Variants in ANGEL2 observed in about 807,000 individuals in gnomAD.
The protein encoded by ANGEL2 is angel homolog 2, also known as RNA 2',3'-cyclic phosphatase ANGEL2.
Under a neutral mutation model 66.0 loss-of-function variants are expected in ANGEL2, and 41 were observed. That is an observed-to-expected ratio of 0.62 (90% confidence interval 0.48 to 0.81). The LOEUF (loss-of-function observed/expected upper bound fraction) is 0.81, where lower values mean the gene tolerates loss of function less well. ANGEL2 is among the 30% of genes least tolerant of loss of function. The probability of loss-of-function intolerance (pLI) is 0.00; values close to 1 mark genes in which losing one functional copy is unlikely to be tolerated. For synonymous variants in ANGEL2, 208 were observed against 226.5 expected, an observed-to-expected ratio of 0.92 and a Z score of 0.73; for missense variants, 561 against 641.6, an observed-to-expected ratio of 0.87 and a Z score of 1.36.
intron 2 of ANGEL2, among the ~76,000 whole-genome samples, chr1:213,010,767 G>T (rs2076485188): frequency 6.6e-6 from 1 of 152,120 alleles, no homozygotes. Context: ...ATTAAAATAT[G>T]AAAATTAAGG....
chr1:213,007,485 G>A (rs2076367866), intron 3 of ANGEL2, among the ~76,000 whole-genome samples: 1 of 152,082 alleles, frequency 6.6e-6, no homozygotes. Flanking sequence ...ATATTTTTCC[G>A]GGTTTTACAT....
chr1:212,996,638 A>ATATATATAT (rs56112652), intron 8 of ANGEL2, among the ~76,000 whole-genome samples: 95 of 53,032 alleles, frequency 1.8e-3, no homozygotes, highest in African/African-American at 3.4e-3. Flanking sequence ...AAAAAAAAAA[A>ATATATATAT]AAATATATAT....
intron 7 of ANGEL2, 46 bp from the exon 8 acceptor site, chr1:212,997,364 T>C (rs1216385485): frequency 1.3e-6 from 2 of 1,524,118 alleles, no homozygotes; most frequent in Non-Finnish European, 1.8e-6. Context: ...TTTTGTAACT[T>C]CAAGAATTCC....
Position 213,013,270 on chromosome 1 carries a change from T to TGAA in ANGEL2, c.205_207dup (p.Phe69dup). ...CAATTTAGTGAAAAATGCCTACTAC[T>TGAA]GAAGTATGGGTAAGGAGCTCGAGAG... On this transcript the variant is annotated inframe_insertion, in exon 2 of 9. Coordinates refer to ENST00000366962, the MANE Select transcript of ANGEL2 (RefSeq NM_144567.5). 1 of 1,614,120 alleles carries TGAA rather than the reference T, an allele frequency of 6.2e-7. No homozygotes were observed. Among genetic ancestry groups the TGAA allele is most frequent in the East Asian group, 2.2e-5 (1 of 44,884 alleles).
At position 213,008,391 on chromosome 1, in the gene ANGEL2, A is replaced by C. The variant is rs764518795; in HGVS notation, c.461T>G (p.Val154Gly). ...EKTKILGDKN[V>G]DPKCEDSENK... ...CTCACTGTCTTCACATTTGGGATCA[A>C]CATTTTTGTCTCCTAGGATCTTCGT... Residue 154 changes from valine (V) to glycine (G), a missense_variant, in exon 3 of 9, where the codon GTT becomes GGT. Coordinates refer to ENST00000366962, the MANE Select transcript of ANGEL2 (RefSeq NM_144567.5). 1.2e-6 allele frequency: 2 copies of C among 1,614,046 alleles called. No individual in the cohort carries two copies. Among genetic ancestry groups the C allele is most frequent in the South Asian group, 1.1e-5 (1 of 91,090 alleles).
At chr1:213,002,183 CCTT>C (rs1292516177) in intron 5 of ANGEL2, 1 of 152,210 alleles carries the variant, frequency 6.6e-6, no homozygotes, top group Non-Finnish European at 1.5e-5. Flanking sequence ...CAAAATTACT[CCTT>C]GATTCCATAG....
In ANGEL2 at chr1:212,997,243, T is replaced by C. The variant is rs1572107165; in HGVS notation, c.1395A>G (p.Pro465=). ...TTCGGGAATGACAGGTGGTCACTTC[T>C]GGAATTCCAGTGTCAGGAAAGTAAT... The part of the protein sequence containing the change: ...YSHYFPDTGI[P]EVTTCHSRSA... The change falls in exon 8 of 9, where the codon CCA becomes CCG. Residue 465 remains proline (P), a synonymous_variant. Coordinates refer to ENST00000366962, the MANE Select transcript of ANGEL2 (RefSeq NM_144567.5). The C allele has an allele frequency of 1.9e-6, 3 of 1,613,934 alleles. No homozygotes were observed. Among genetic ancestry groups the C allele is most frequent in the South Asian group, 2.2e-5 (2 of 91,080 alleles).
chr1:213,004,896 A>G (rs2076279299), intron 5 of ANGEL2, 137 bp downstream of exon 5: 1 of 423,692 alleles, frequency 2.4e-6, no homozygotes, highest in African/African-American at 2.1e-5. Context: ...AAAAAAAGTC[A>G]TGGAAAATCA....
At chr1:213,004,941 G>T in intron 5 of ANGEL2, 92 bp downstream of exon 5, 4 of 980,636 alleles carry the variant, frequency 4.1e-6, no homozygotes, top group Non-Finnish European at 5.8e-6. Context: ...GATCATCCAA[G>T]GTTTTCAAAT....
intron 7 of ANGEL2, among the ~76,000 whole-genome samples, chr1:212,997,859 T>C (rs1388826657): frequency 6.6e-6 from 1 of 152,146 alleles, no homozygotes; most frequent in Non-Finnish European, 1.5e-5. Flanking sequence ...TGATACTTTA[T>C]GAATCTTAAG....
At chr1:213,014,259 C>T (rs942799678) in intron 1 of ANGEL2, among the ~76,000 whole-genome samples, 8 of 152,192 alleles carry the variant, frequency 5.3e-5, no homozygotes, top group South Asian at 2.1e-4. Context: ...GACTTTTATC[C>T]TTTCCTCCAA....
rs201180365 is a variant in ANGEL2 at position 213,005,343 on chromosome 1, C to A, written c.824G>T (p.Arg275Leu). The A allele has an allele frequency of 1.1e-5, 18 of 1,614,012 alleles. No homozygotes were observed. The highest frequency in any genetic ancestry group is 1.5e-5 in the Non-Finnish European group (18 of 1,180,020). ...LLSVNPVEFF[R>L]PDISLLDRDN... ...TCTGTCCAACAGAGAAATATCAGGG[C>A]GGAAGAATTCCACTGGGTTCACTGA... is the stretch of plus-strand genomic sequence containing the variant. The change falls in exon 5 of 9, where the codon CGC becomes CTC. Residue 275 changes from arginine to leucine, a missense_variant. Physicochemically the swap from Arg to Leu is moderately radical, Grantham distance 102 (BLOSUM62 -2). Transcript: ENST00000366962.
rs1395985987 is a variant in ANGEL2, at chr1:212,992,899, AC to A, written c.*2141del. 1 of 152,236 alleles carries A rather than the reference AC, an allele frequency of 6.6e-6. No homozygotes were observed. The highest frequency in any genetic ancestry group is 1.5e-5 in the Non-Finnish European group (1 of 68,034). 9.4% of individuals were successfully genotyped at this position (152,236 alleles called of 1,614,324 possible). On this transcript the variant is annotated 3_prime_UTR_variant, in exon 9 of 9. Coordinates refer to ENST00000366962, the MANE Select transcript of ANGEL2 (RefSeq NM_144567.5). ...CCCAATATTAAAAAGGGATAATTAT[AC>A]TATCATTATAATTTGATAATGTCTA...
At chr1:213,012,132 G>C (rs1349255954) in intron 2 of ANGEL2, among the ~76,000 whole-genome samples, 1 of 152,118 alleles carries the variant, frequency 6.6e-6, no homozygotes, top group East Asian at 1.9e-4. Flanking sequence ...TTGGGACCCA[G>C]CTGAAGCCTG....
At chr1:213,007,865 C>CTTTT (rs34608529) in intron 3 of ANGEL2, among the ~76,000 whole-genome samples, 1 of 138,088 alleles carries the variant, frequency 7.2e-6, no homozygotes, top group African/African-American at 2.9e-5. Context: ...TTCTTTCTTT[C>CTTTT]TTTTTTTTTT....
chr1:213,015,518 C>T, intron 1 of ANGEL2, 95 bp downstream of exon 1: 1 of 1,352,302 alleles, frequency 7.4e-7, no homozygotes, highest in Non-Finnish European at 9.7e-7. Context: ...ACCCCTAGCC[C>T]GCCCCGCCCC....
intron 7 of ANGEL2, among the ~76,000 whole-genome samples, chr1:212,999,668 C>T (rs2076126691): frequency 6.6e-6 from 1 of 152,210 alleles, no homozygotes; most frequent in Admixed American, 6.5e-5. Context: ...CTCCCTGAGA[C>T]AAGATTTAAG....
At chr1:212,996,634 A>ATATATAT (rs1298007497) in intron 8 of ANGEL2, among the ~76,000 whole-genome samples, 10 of 49,220 alleles carry the variant, frequency 2.0e-4, no homozygotes, top group Admixed American at 1.7e-3. Context: ...AAAAAAAAAA[A>ATATATAT]AAAAAAATAT....
rs545785937 is a variant in ANGEL2 at position 212,995,147 on chromosome 1, A to G, written c.1529T>C (p.Leu510Pro). Residue 510 changes from leucine to proline, a missense_variant, in exon 9 of 9, where the codon CTG becomes CCG. Coordinates refer to ENST00000366962, the MANE Select transcript of ANGEL2 (RefSeq NM_144567.5). ...LVGGLKLLAR[L>P]SLLTEQDLWT... The stretch of plus-strand genomic sequence containing the variant: ...TAAGTCTTGTTCTGTAAGAAGTGAC[A>G]GTCTAGCTAGAAGTTTCAAGCCACC... The G allele has an allele frequency of 1.9e-6, 3 of 1,610,898 alleles. No individual in the cohort carries two copies. Among genetic ancestry groups the G allele is most frequent in the Admixed American group, 1.7e-5 (1 of 59,696 alleles).
Sources: allele counts gnomAD v4.1 joint callset (sites outside exome capture counted in the v4.1 genomes callset), GRCh38; gene constraint gnomAD v4.1.1; transcripts MANE v1.5; gene names NCBI Gene and HGNC (gene_info 2026-07-23, HGNC 2026-07-21).